Variants in PWWP2A observed in about 807,000 individuals in gnomAD.
The protein encoded by PWWP2A is PWWP domain containing 2A, also known as PWWP domain-containing protein 2A.
PWWP2A carries 18 observed loss-of-function variants against 48.5 expected under a neutral mutation model. The observed-to-expected ratio is 0.37, with a 90% CI of 0.26 to 0.55. The LOEUF (loss-of-function observed/expected upper bound fraction) is 0.55, where lower values mean the gene tolerates loss of function less well. Among genes scored for constraint, PWWP2A ranks in the 20% least tolerant of loss-of-function variants. The pLI, the probability that PWWP2A is intolerant of heterozygous loss-of-function variation, is 0.81. For synonymous variants in PWWP2A, 396 were observed against 387.7 expected (o/e 1.02, Z -0.25); for missense variants, 867 against 976.4 (o/e 0.89, Z 1.49).
In PWWP2A at chr5:160,093,992, G is replaced by A; in HGVS notation, c.658C>T (p.Leu220Phe). Reference protein sequence around the residue: ...EYKDKPEAMPLQSNTFQEGTE... With the variant: ...EYKDKPEAMPFQSNTFQEGTE... ...CCTTCTTGGAATGTATTACTTTGGA[G>A]CGGCATGGCTTCTGGTTTATCCTTA... Residue 220 changes from leucine (L) to phenylalanine (F), a missense_variant, in exon 2 of 2, where the codon CTC becomes TTC. Physicochemically the swap from Leu to Phe is conservative, Grantham distance 22 (BLOSUM62 0). Around this residue, in one of 4 missense-constraint regions of PWWP2A, gnomAD observed 385 missense variants for 396.9 expected, o/e 0.97. Coordinates refer to ENST00000307063, the MANE Select transcript of PWWP2A (RefSeq NM_001130864.2). The surrounding 1 kb of genome is among the most constrained non-coding windows in gnomAD (Gnocchi z 5.8). The A allele has an allele frequency of 6.2e-7, 1 of 1,613,984 alleles. No homozygotes were observed. Among genetic ancestry groups the A allele is most frequent in the Non-Finnish European group, 8.5e-7 (1 of 1,179,878 alleles).
intron 1 of PWWP2A, among the ~76,000 whole-genome samples, chr5:160,101,827 G>A (rs531613279): frequency 8.9e-4 from 134 of 150,734 alleles, no homozygotes; most frequent in East Asian, 1.9e-3. Flanking sequence ...AAAAAAATGC[G>A]TGGCCGGCCA....
chr5:160,057,186 T>C (rs1156794247), downstream of PWWP2A, among the ~76,000 whole-genome samples: 3 of 152,208 alleles, frequency 2.0e-5, no homozygotes, highest in Non-Finnish European at 4.4e-5. This position sits in a 1 kb window ranked among gnomAD's most constrained non-coding sequence, Gnocchi z 4.4. Context: ...AGGCTTCTCT[T>C]AGGAGAATAG....
At chr5:160,109,784 T>TATAAAATAATATAATA (rs1757323127) in intron 1 of PWWP2A, among the ~76,000 whole-genome samples, 1 of 101,652 alleles carries the variant, frequency 9.8e-6, no homozygotes, top group Non-Finnish European at 2.0e-5. Context: ...AATATATATA[T>TATAAAATAATATAATA]ATATATATAT....
chr5:160,091,861 A>T lies in PWWP2A; in HGVS notation c.*521T>A. The T allele has an allele frequency of 3.0e-6, 3 of 984,854 alleles. No individual in the cohort carries two copies. Among genetic ancestry groups the T allele is most frequent in the Non-Finnish European group, 3.6e-6 (3 of 829,622 alleles). 61.0% of individuals were successfully genotyped at this position (984,854 alleles called of 1,614,324 possible). ...AGGCTAAGTGTTCATTATTTAAAAA[A>T]CAAGTAGTCATTAAATATCCACTAT... On this transcript the variant is annotated 3_prime_UTR_variant, in exon 2 of 2. Coordinates refer to ENST00000307063, the MANE Select transcript of PWWP2A (RefSeq NM_001130864.2).
At chr5:160,065,064 A>T in intron 4 of PWWP2A, 1 of 1,608,318 alleles carries the variant, frequency 6.2e-7, no homozygotes, top group Non-Finnish European at 8.5e-7. Flanking sequence ...AATAACAGAT[A>T]ACAAAGATAA....
the PWWP2A span, among the ~76,000 whole-genome samples, chr5:160,053,036 A>G: frequency 6.6e-6 from 1 of 152,208 alleles, no homozygotes; most frequent in African/African-American, 2.4e-5. Flanking sequence ...CCCACAATAG[A>G]TAACCTAGAA....
intron 1 of PWWP2A, among the ~76,000 whole-genome samples, chr5:160,104,049 G>C (rs908497843): frequency 2.8e-5 from 4 of 144,692 alleles, no homozygotes; most frequent in Non-Finnish European, 6.0e-5. Flanking sequence ...GCGTGAACCT[G>C]GGAGGCGGAG....
At chr5:160,054,657 G>GA in the PWWP2A span, among the ~76,000 whole-genome samples, 309 of 142,562 alleles carry the variant, frequency 2.2e-3, no homozygotes, top group East Asian at 8.5e-3. Context: ...CCACAATATA[G>GA]AAAAAAAAAA....
chr5:160,105,754 G>T, intron 1 of PWWP2A: 4 of 242,248 alleles, frequency 1.7e-5, no homozygotes, highest in Non-Finnish European at 2.5e-5. Context: ...CAGACTGGGT[G>T]ACAGAATGAG....
chr5:160,045,454 C>CCACACACA, the PWWP2A span, among the ~76,000 whole-genome samples: 228 of 38,878 alleles, frequency 5.9e-3, 14 homozygotes, highest in Non-Finnish European at 7.7e-3. Context: ...CCCCCACCCT[C>CCACACACA]CACACACACA....
chr5:160,069,299 G>C (rs77710570), intron 2 of PWWP2A, among the ~76,000 whole-genome samples: 1 of 151,936 alleles, frequency 6.6e-6, no homozygotes, highest in African/African-American at 2.4e-5. Flanking sequence ...AAAAAAAAAG[G>C]CTTACTTGCT....
At chr5:160,108,593 T>C in intron 1 of PWWP2A, 1 of 1,287,302 alleles carries the variant, frequency 7.8e-7, no homozygotes, top group Non-Finnish European at 1.0e-6. Context: ...GTAGGGCTAT[T>C]GCACCATACG....
At chr5:160,049,018 G>C in the PWWP2A span, among the ~76,000 whole-genome samples, 1 of 152,070 alleles carries the variant, frequency 6.6e-6, no homozygotes, top group Non-Finnish European at 1.5e-5. Context: ...TCCTGGACTG[G>C]GTAAATGACA....
intron 1 of PWWP2A, among the ~76,000 whole-genome samples, chr5:160,106,323 G>A (rs901794849): frequency 6.6e-6 from 1 of 152,056 alleles, no homozygotes; most frequent in Non-Finnish European, 1.5e-5. Flanking sequence ...CTGAGCCTTG[G>A]TGTCTATCTA....
chr5:160,113,335 A>C, intron 1 of PWWP2A: 1 of 983,112 alleles, frequency 1.0e-6, no homozygotes. Context: ...ATAATGCAAA[A>C]AATAATAATA....
chr5:160,090,918 G>A (rs1156569962), downstream of PWWP2A: 2 of 984,620 alleles, frequency 2.0e-6, no homozygotes, highest in Non-Finnish European at 2.4e-6. Flanking sequence ...TCAAATCTTA[G>A]GGACAGATGG....
chr5:160,073,723 G>C (rs1459530520), downstream of PWWP2A, among the ~76,000 whole-genome samples: 1 of 152,050 alleles, frequency 6.6e-6, no homozygotes, highest in East Asian at 1.9e-4. Flanking sequence ...TTTACCCCAA[G>C]CTCACTACCT....
downstream of PWWP2A, among the ~76,000 whole-genome samples, chr5:160,075,245 T>C (rs1483845990): frequency 6.6e-6 from 1 of 152,216 alleles, no homozygotes; most frequent in East Asian, 1.9e-4. Context: ...GCCAGATTCC[T>C]GTGGTCTCTT....
chr5:160,048,525 A>G, the PWWP2A span, among the ~76,000 whole-genome samples: 1 of 152,182 alleles, frequency 6.6e-6, no homozygotes, highest in Admixed American at 6.5e-5. Context: ...TTGAACCAAA[A>G]CATAGCAAAG....
Sources: gnomAD v4.1 joint callset for allele counts (sites outside exome capture counted in the v4.1 genomes callset) on GRCh38, gnomAD v4.1.1 for gene constraint, gnomAD v4.1.1 regional missense constraint, Gnocchi (gnomAD v3.1) non-coding constraint, MANE v1.5 for transcripts, NCBI Gene and HGNC (gene_info 2026-07-23, HGNC 2026-07-21) for gene names.